DCAF8L2: variants seen among roughly 807,000 people sequenced by gnomAD.
DCAF8L2 encodes the protein DDB1- and CUL4-associated factor 8-like protein 2.
For missense variants in DCAF8L2, 430 were observed against 490.7 expected, an observed-to-expected ratio of 0.88 and a Z score of 1.17; for synonymous variants, 200 against 190.9, an observed-to-expected ratio of 1.05 and a Z score of -0.39.
At chrX:27,479,392 C>T in the DCAF8L2 span, among the ~76,000 whole-genome samples, 1 of 111,197 alleles carries the variant, frequency 9.0e-6, no homozygotes, top group African/African-American at 3.3e-5. Flanking sequence ...ACCCGGATTC[C>T]TGATCCACAG....
intron 2 of DCAF8L2, among the ~76,000 whole-genome samples, chrX:27,673,032 A>G (rs777615424): frequency 3.6e-4 from 40 of 111,186 alleles, no homozygotes; most frequent in African/African-American, 1.2e-3. Flanking sequence ...GGGTAACTTT[A>G]TCATCCCAAC....
rs1017427858 is a variant in DCAF8L2, at chrX:27,606,050, T to C, written c.-342+15610T>C. On this transcript the variant is annotated intron_variant, in intron 1 of 4. Transcript: ENST00000451261. ...TGAAGAAGAGTGGGTGTGGGCTTGATATAAACAAAGTCACAAAGAGACAGT... is the reference window on the plus strand; with the variant it reads ...TGAAGAAGAGTGGGTGTGGGCTTGACATAAACAAAGTCACAAAGAGACAGT... Among the ~76,000 whole-genome samples the C allele has an allele frequency of 1.0e-4, 11 of 105,054 alleles. No homozygotes were observed. The South Asian group carries it at 2.1e-3, about 20-fold the overall frequency. 91.2% of individuals were successfully genotyped at this position (105,054 alleles called of 115,157 possible).
the DCAF8L2 span, among the ~76,000 whole-genome samples, chrX:27,492,989 T>C: frequency 9.0e-6 from 1 of 111,681 alleles, no homozygotes; most frequent in Non-Finnish European, 1.9e-5. Context: ...CTCAACACTT[T>C]GGAAAGCTGA....
At chrX:27,605,106 T>C (rs970797941) in intron 1 of DCAF8L2, among the ~76,000 whole-genome samples, 2 of 111,411 alleles carry the variant, frequency 1.8e-5, no homozygotes, top group Non-Finnish European at 3.8e-5. Flanking sequence ...ACCTGTGTTA[T>C]ATATCTGGGA....
chrX:27,701,993 T>A (rs1931144997), intron 3 of DCAF8L2, among the ~76,000 whole-genome samples: 1 of 111,008 alleles, frequency 9.0e-6, no homozygotes, highest in African/African-American at 3.3e-5. Flanking sequence ...AAGAGAAGAC[T>A]TGTCTTCTAT....
intron 2 of DCAF8L2, among the ~76,000 whole-genome samples, chrX:27,641,466 TAC>T (rs377574402): frequency 6.3e-5 from 3 of 47,475 alleles, no homozygotes; most frequent in Admixed American, 2.3e-4. Flanking sequence ...TCCTTTTCTT[TAC>T]TTTTCTTTTT....
chrX:27,633,256 G>A (rs1056247127), intron 2 of DCAF8L2: 11 of 112,071 alleles, frequency 9.8e-5, no homozygotes, highest in Non-Finnish European at 2.1e-4. Flanking sequence ...ATTGGGTTGA[G>A]ATAATGATAT....
At chrX:27,575,795 C>A in the DCAF8L2 span, among the ~76,000 whole-genome samples, 3 of 111,692 alleles carry the variant, frequency 2.7e-5, no homozygotes, top group Non-Finnish European at 5.6e-5. Context: ...TTTGTTTTTT[C>A]CTGTTTTCAT....
chrX:27,694,998 G>T (rs182625958), intron 3 of DCAF8L2, among the ~76,000 whole-genome samples: 125 of 112,013 alleles, frequency 1.1e-3, no homozygotes, highest in African/African-American at 3.8e-3. Flanking sequence ...GTTTTAAATT[G>T]CTCTTTTCTT....
At chrX:27,658,975 C>T (rs1315981195) in intron 2 of DCAF8L2, among the ~76,000 whole-genome samples, 1 of 111,914 alleles carries the variant, frequency 8.9e-6, no homozygotes, top group East Asian at 2.8e-4. Flanking sequence ...ATAATTCTCG[C>T]CCCCACCTGC....
the DCAF8L2 span, among the ~76,000 whole-genome samples, chrX:27,479,047 G>T: frequency 9.0e-6 from 1 of 111,204 alleles, no homozygotes; most frequent in African/African-American, 3.3e-5. Context: ...GTAAAAGATT[G>T]TGACTTTTGT....
At chrX:27,575,137 C>G in the DCAF8L2 span, among the ~76,000 whole-genome samples, 1 of 111,728 alleles carries the variant, frequency 9.0e-6, no homozygotes, top group Admixed American at 9.5e-5. Context: ...CCCGGCTCTC[C>G]TCTGACTGCT....
chrX:27,545,210 C>T, the DCAF8L2 span, among the ~76,000 whole-genome samples: 88 of 111,303 alleles, frequency 7.9e-4, no homozygotes, highest in Non-Finnish European at 1.4e-3. Flanking sequence ...TTCTAGTCAT[C>T]ATATCCCTGC....
the DCAF8L2 span, among the ~76,000 whole-genome samples, chrX:27,547,891 T>TCTTTCTCTCTCTCTCTCTTTCTCTCTC: frequency 1.7e-5 from 1 of 57,194 alleles, no homozygotes; most frequent in Admixed American, 2.3e-4. Context: ...CTCTCTCTCT[T>TCTTTCTCTCTCTCTCTCTTTCTCTCTC]TCTCTCTCTC....
chrX:27,666,116 T>C (rs964507022), intron 2 of DCAF8L2, among the ~76,000 whole-genome samples: 18 of 111,962 alleles, frequency 1.6e-4, no homozygotes, highest in Non-Finnish European at 3.8e-5. Context: ...ATTATATTTT[T>C]TGTGTTCTGA....
chrX:27,612,589 T>G (rs755237266), intron 1 of DCAF8L2, among the ~76,000 whole-genome samples: 10 of 112,375 alleles, frequency 8.9e-5, no homozygotes, highest in African/African-American at 2.6e-4. Flanking sequence ...GTCTAACATT[T>G]AAGTCTTTAT....
chrX:27,696,303 AAAGAAAG>A (rs1423495367), intron 3 of DCAF8L2, among the ~76,000 whole-genome samples: 3 of 86,684 alleles, frequency 3.5e-5, no homozygotes, highest in Non-Finnish European at 6.7e-5. Flanking sequence ...AGAAAGAAAG[AAAGAAAG>A]AAAGAAAGAA....
intron 1 of DCAF8L2, among the ~76,000 whole-genome samples, chrX:27,601,991 T>TA (rs1399536701): frequency 8.9e-6 from 1 of 111,866 alleles, no homozygotes; most frequent in Non-Finnish European, 1.9e-5. Flanking sequence ...AAATAACACT[T>TA]ACGGATTCCT....
chrX:27,616,652 A>G (rs1927491537), intron 1 of DCAF8L2, among the ~76,000 whole-genome samples: 1 of 111,476 alleles, frequency 9.0e-6, no homozygotes, highest in Non-Finnish European at 1.9e-5. Flanking sequence ...GCCACTACTT[A>G]TCGTATTACG....
Sources: gnomAD v4.1 joint callset for allele counts (sites outside exome capture counted in the v4.1 genomes callset) on GRCh38, gnomAD v4.1.1 for gene constraint, MANE v1.5 for transcripts, NCBI Gene and HGNC (gene_info 2026-07-23, HGNC 2026-07-21) for gene names.